The following GUCY1A2 variants were observed in gnomAD, a reference collection of about 807,000 sequenced individuals.
GUCY1A2 encodes the protein guanylate cyclase 1 soluble subunit alpha 2.
In GUCY1A2, 27 loss-of-function variants were observed where a neutral mutation model predicts 63.5. The ratio of observed to expected loss-of-function variants is 0.43; its 90% CI spans 0.31 to 0.59. The LOEUF is 0.59. Among genes scored for constraint, GUCY1A2 ranks in the 20% least tolerant of loss-of-function variants. GUCY1A2 has a pLI of 0.11. For synonymous variants in GUCY1A2, 364 were observed against 343.5 expected (o/e 1.06, Z -0.66); for missense variants, 768 against 913.3 (o/e 0.84, Z 2.05).
At chr11:106,860,201 C>T (rs1859490992) in intron 4 of GUCY1A2, among the ~76,000 whole-genome samples, 1 of 151,740 alleles carries the variant, frequency 6.6e-6, no homozygotes, top group Admixed American at 6.6e-5. Context: ...AATGTATACA[C>T]ACAGTGCTCT....
intron 4 of GUCY1A2, among the ~76,000 whole-genome samples, chr11:106,905,868 T>C (rs1478141124): frequency 6.6e-6 from 1 of 152,178 alleles, no homozygotes; most frequent in South Asian, 2.1e-4. Context: ...TCACTAGTTA[T>C]TCTTTAGAAC....
intron 4 of GUCY1A2, among the ~76,000 whole-genome samples, chr11:106,857,416 G>A (rs1169260132): frequency 2.0e-5 from 3 of 152,136 alleles, no homozygotes. Flanking sequence ...ATTTGGATTA[G>A]AATTTCAACA....
intron 4 of GUCY1A2, among the ~76,000 whole-genome samples, chr11:106,888,338 G>A (rs899110177): frequency 1.3e-5 from 2 of 151,700 alleles, no homozygotes; most frequent in Admixed American, 6.6e-5. Context: ...GGTGGCGGGT[G>A]CCTGTAGTCC....
chr11:106,995,376 T>C (rs1861522143), intron 1 of GUCY1A2, among the ~76,000 whole-genome samples: 1 of 152,198 alleles, frequency 6.6e-6, no homozygotes, highest in Non-Finnish European at 1.5e-5. Context: ...AGGTAGTAAG[T>C]GTCTGAGTCA....
chr11:106,919,365 G>T (rs1229854966), intron 4 of GUCY1A2, among the ~76,000 whole-genome samples: 1 of 152,052 alleles, frequency 6.6e-6, no homozygotes, highest in Non-Finnish European at 1.5e-5. Context: ...TAAAAGAGTA[G>T]ATTTTAGATG....
chr11:106,732,390 AT>A (rs1863520572), intron 6 of GUCY1A2, among the ~76,000 whole-genome samples: 1 of 152,114 alleles, frequency 6.6e-6, no homozygotes, highest in Non-Finnish European at 1.5e-5. Context: ...AATATAGTAT[AT>A]TTTTATATTC....
chr11:106,834,760 A>C (rs1424125790), intron 4 of GUCY1A2, among the ~76,000 whole-genome samples: 1 of 152,070 alleles, frequency 6.6e-6, no homozygotes, highest in Non-Finnish European at 1.5e-5. Flanking sequence ...CTGAAAGCGC[A>C]TACTTAAGAT....
In GUCY1A2 at chr11:106,681,987, TA is replaced by T. The variant is rs1565255815; in HGVS notation, c.*5561del. The T allele has an allele frequency of 9.4e-6, 2 of 212,772 alleles. No individual in the cohort carries two copies. Among genetic ancestry groups the T allele is most frequent in the Non-Finnish European group, 9.5e-6 (1 of 105,652 alleles). 13.2% of individuals were successfully genotyped at this position (212,772 alleles called of 1,614,324 possible). On this transcript the variant is annotated 3_prime_UTR_variant, in exon 8 of 8. Transcript: ENST00000526355. The stretch of plus-strand genomic sequence containing the variant: ...ATTTGCTTCTGTGTCCCAAAGGTCA[TA>T]GTTTTTACCTCGGTGGTGAGGATTA...
At chr11:106,898,715 T>C (rs184784811) in intron 4 of GUCY1A2, among the ~76,000 whole-genome samples, 304 of 152,198 alleles carry the variant, frequency 2.0e-3, no homozygotes, top group African/African-American at 6.8e-3. Context: ...GAAGGAGGAA[T>C]AGACAGAGCA....
intron 3 of GUCY1A2, among the ~76,000 whole-genome samples, chr11:106,970,839 TG>T (rs1015283871): frequency 2.0e-5 from 3 of 149,132 alleles, no homozygotes; most frequent in Non-Finnish European, 4.5e-5. Context: ...AATTAATGAA[TG>T]GATAAGCAAA....
intron 6 of GUCY1A2, among the ~76,000 whole-genome samples, chr11:106,773,729 T>G (rs180944092): frequency 6.6e-6 from 1 of 152,332 alleles, no homozygotes; most frequent in East Asian, 1.9e-4. Context: ...CTTATGATAG[T>G]GTTGTAAATT....
At chr11:106,801,806 T>C (rs1858607338) in intron 5 of GUCY1A2, among the ~76,000 whole-genome samples, 1 of 152,132 alleles carries the variant, frequency 6.6e-6, no homozygotes, top group South Asian at 2.1e-4. Flanking sequence ...ATTGCATGCC[T>C]GTATCAAAAC....
chr11:106,675,925 T>C lies in GUCY1A2; in HGVS notation c.*11624A>G, dbSNP rs1357963299. 5.3e-6 allele frequency: 1 copy of C among 190,450 alleles called. No homozygotes were observed. Among genetic ancestry groups the C allele is most frequent in the Non-Finnish European group, 1.1e-5 (1 of 90,694 alleles). The allele number at this position is 190,450 out of a possible 1,614,324, so 11.8% of individuals were successfully genotyped here. A position where few individuals can be genotyped will look rare whatever the true frequency, so the allele number is the denominator to read the frequency against. The stretch of plus-strand genomic sequence containing the variant: ...ATACCCCTTTGACTACTTCATCTGT[T>C]AGAATTTAAGACCCCTGAGGTACAT... On this transcript the variant is annotated 3_prime_UTR_variant, in exon 8 of 8. Coordinates refer to ENST00000526355, the MANE Select transcript of GUCY1A2 (RefSeq NM_000855.3).
intron 1 of GUCY1A2, among the ~76,000 whole-genome samples, chr11:107,004,952 G>C (rs1453999413): frequency 1.3e-5 from 2 of 152,148 alleles, no homozygotes; most frequent in African/African-American, 4.8e-5. Flanking sequence ...TAGAGACATA[G>C]GTTCTTGATG....
chr11:106,895,619 A>G (rs1270392058), intron 4 of GUCY1A2, among the ~76,000 whole-genome samples: 5 of 152,134 alleles, frequency 3.3e-5, no homozygotes, highest in African/African-American at 4.8e-5. Flanking sequence ...ACCTTCTGCC[A>G]TGATTGTGAG....
chr11:106,940,069 A>G lies in GUCY1A2; in HGVS notation c.597T>C (p.Phe199=), dbSNP rs140070747. ...LRAVGGTLQD[F]FNGFDALLEH... ...CCAACAAAGCATCAAAGCCGTTAAA[A>G]AAGTCCTGCAAAGTGCCACCTACAG... The change falls in exon 4 of 8, where the codon TTT becomes TTC. Residue 199 remains phenylalanine, a synonymous_variant. Transcript: ENST00000526355. The G allele has an allele frequency of 9.5e-5, 154 of 1,613,542 alleles. No individual in the cohort carries two copies. The African/African-American group carries it at 1.9e-3, about 20-fold the overall frequency.
rs1347139927 is a variant in GUCY1A2, at chr11:106,776,327, C to G, written c.1836+112G>C. The G allele has an allele frequency of 7.5e-6, 6 of 798,938 alleles. No homozygotes were observed. In the African/African-American group the frequency reaches 1.0e-4, roughly 14 times the overall value. 49.5% of individuals were successfully genotyped at this position (798,938 alleles called of 1,614,324 possible). On this transcript the variant is annotated intron_variant, in intron 6 of 7. Transcript: ENST00000526355. ...AGTCACTCCTTGTCCTCCTTAAGCA[C>G]CCAACTTGTCTAGATCTATAAATTA...
At chr11:106,757,379 G>T (rs2135389340) in intron 6 of GUCY1A2, among the ~76,000 whole-genome samples, 1 of 152,250 alleles carries the variant, frequency 6.6e-6, no homozygotes, top group East Asian at 1.9e-4. Context: ...TCTCCATCCA[G>T]TTTTGTTCCC....
chr11:106,776,724 T>A (rs1160966355), intron 5 of GUCY1A2, 142 bp from the exon 6 acceptor site: 4 of 747,752 alleles, frequency 5.3e-6, no homozygotes, highest in South Asian at 1.8e-5. Context: ...CTGTTTATAA[T>A]CACAGCAGAG....
Sources: gnomAD v4.1 joint callset for allele counts (sites outside exome capture counted in the v4.1 genomes callset) on GRCh38, gnomAD v4.1.1 for gene constraint, MANE v1.5 for transcripts, NCBI Gene and HGNC (gene_info 2026-07-23, HGNC 2026-07-21) for gene names.